SNAI3: variants seen among roughly 807,000 people sequenced by gnomAD.
SNAI3 encodes snail family transcriptional repressor 3.
A neutral mutation model predicts 16.4 loss-of-function variants in SNAI3; 21 were observed. That is an observed-to-expected ratio of 1.28 (90% CI 0.91 to 1.85). SNAI3 has a LOEUF of 1.85. Among genes scored for constraint, SNAI3 ranks in the 40% most tolerant of loss-of-function variants. SNAI3 has a pLI of 0.00. For synonymous variants in SNAI3, 202 were observed against 166.6 expected (o/e 1.21, Z -1.64); for missense variants, 457 against 372.8 (o/e 1.23, Z -1.86).
intron 2 of SNAI3, chr16:88,679,131 T>TA: frequency 1.0e-6 from 1 of 982,248 alleles, no homozygotes; most frequent in Non-Finnish European, 1.2e-6. Flanking sequence ...TGTAGCCCCA[T>TA]AGAGTCCTGA....
intron 1 of SNAI3, among the ~76,000 whole-genome samples, chr16:88,683,744 G>T (rs756388625): frequency 6.6e-6 from 1 of 151,998 alleles, no homozygotes; most frequent in South Asian, 2.1e-4. Flanking sequence ...TTTAGTAGAC[G>T]CGGGTTTTTG....
rs1400547742 is a variant in SNAI3, at chr16:88,678,183, C to G, written c.*265G>C. The G allele has an allele frequency of 7.4e-6, 3 of 403,196 alleles. No homozygotes were observed. The highest frequency in any genetic ancestry group is 1.3e-5 in the Non-Finnish European group (3 of 224,140). The allele number at this position is 403,196 out of a possible 1,614,324, so 25.0% of individuals were successfully genotyped here. A position where few individuals can be genotyped will look rare whatever the true frequency, so the allele number is the denominator to read the frequency against. On this transcript the variant is annotated 3_prime_UTR_variant, in exon 3 of 3. Transcript: ENST00000332281. Reference sequence around the variant, plus strand: ...AGACCTGGCCGTGTCGAAATGGAACCATGGCTCTTGTTCTGATGAAAGCCT... The same window carrying G: ...AGACCTGGCCGTGTCGAAATGGAACGATGGCTCTTGTTCTGATGAAAGCCT...
intron 1 of SNAI3, among the ~76,000 whole-genome samples, chr16:88,682,673 G>T (rs1158625993): frequency 6.6e-6 from 1 of 150,914 alleles, no homozygotes; most frequent in African/African-American, 2.4e-5. Context: ...TTCTGATCAG[G>T]AATAGCATCT....
intron 1 of SNAI3, 54 bp downstream of exon 1, chr16:88,686,277 C>G (rs1010672298): frequency 6.3e-7 from 1 of 1,589,584 alleles, no homozygotes; most frequent in Non-Finnish European, 8.6e-7. Context: ...CTCTCTCTCT[C>G]CCGCCCCTCA....
chr16:88,680,604 G>GT (rs971435722), intron 2 of SNAI3, among the ~76,000 whole-genome samples: 2 of 149,616 alleles, frequency 1.3e-5, no homozygotes, highest in Admixed American at 6.8e-5. Context: ...GTTTTGTTTT[G>GT]TTTTTTTGTT....
At chr16:88,680,574 C>G (rs1240249248) in intron 2 of SNAI3, among the ~76,000 whole-genome samples, 1 of 151,536 alleles carries the variant, frequency 6.6e-6, no homozygotes. Flanking sequence ...CGTGAGCCTC[C>G]ATGCCTGGTG....
Position 88,681,202 on chromosome 16 carries a change from C to T in SNAI3, c.589G>A (p.Ala197Thr). Residue 197 changes from alanine to threonine, a missense_variant, in exon 2 of 3, where the codon GCC (alanine) becomes ACC (threonine). Ala to Thr is a moderately conservative substitution (Grantham distance 58). Coordinates refer to ENST00000332281, the MANE Select transcript of SNAI3 (RefSeq NM_178310.4). The surrounding 1 kb of genome is among the most constrained non-coding windows in gnomAD (Gnocchi z 5.4). The stretch of plus-strand genomic sequence containing the variant: ...TGAGTGCGGATGTGCATCTTGAGGG[C>T]ACCCAGGCTGGTGTACTCCTTGTCG... Reference protein sequence around the residue: ...YCDKEYTSLGALKMHIRTHTL... With the variant: ...YCDKEYTSLGTLKMHIRTHTL... The T allele has an allele frequency of 5.0e-6, 8 of 1,613,814 alleles. No individual in the cohort carries two copies. Among genetic ancestry groups the T allele is most frequent in the Non-Finnish European group, 6.8e-6 (8 of 1,179,990 alleles).
At chr16:88,679,547 G>C (rs1354428958) in intron 2 of SNAI3, among the ~76,000 whole-genome samples, 1 of 147,066 alleles carries the variant, frequency 6.8e-6, no homozygotes, top group Non-Finnish European at 1.5e-5. Context: ...GGATCACGAG[G>C]TCAGGAGATC....
intron 2 of SNAI3, chr16:88,678,901 T>A (rs1909068043): frequency 1.0e-6 from 1 of 985,216 alleles, no homozygotes; most frequent in South Asian, 4.7e-5. Flanking sequence ...GGAGAAGCAC[T>A]GGGGGCCTCT....
intron 2 of SNAI3, among the ~76,000 whole-genome samples, chr16:88,680,067 T>A (rs1280940812): frequency 7.4e-6 from 1 of 134,512 alleles, no homozygotes; most frequent in Non-Finnish European, 1.5e-5. Flanking sequence ...AGCAATAGAG[T>A]GAGACCCTGC....
chr16:88,679,327 C>G (rs1375642618), intron 2 of SNAI3, among the ~76,000 whole-genome samples: 2 of 152,158 alleles, frequency 1.3e-5, no homozygotes, highest in Admixed American at 6.5e-5. Flanking sequence ...GTGTCGTCAT[C>G]AAAGAGTTGA....
At chr16:88,680,198 A>G (rs542637185) in intron 2 of SNAI3, among the ~76,000 whole-genome samples, 7 of 151,632 alleles carry the variant, frequency 4.6e-5, no homozygotes, top group African/African-American at 1.7e-4. Flanking sequence ...AGGTTGACAG[A>G]AAGCCCGGGC....
intron 1 of SNAI3, among the ~76,000 whole-genome samples, chr16:88,684,049 C>T (rs1484558041): frequency 2.6e-5 from 4 of 152,180 alleles, no homozygotes; most frequent in Non-Finnish European, 4.4e-5. Flanking sequence ...TTCAAAGGAA[C>T]GCCTCCCATC....
rs531157553 is a variant in SNAI3, at chr16:88,678,497, A to G, written c.830T>C (p.Met277Thr). Residue 277 changes from methionine (M) to threonine (T), a missense_variant, in exon 3 of 3, where the codon ATG (methionine) becomes ACG (threonine). By Grantham distance (81) the Met-to-Thr change is moderately conservative. Coordinates refer to ENST00000332281, the MANE Select transcript of SNAI3 (RefSeq NM_178310.4). ...CTCCTCATGCCGCGCCAGGAGGGAC[A>G]TGCGGGAGAAGGTCTTGGTGCAGCG... The part of the protein sequence containing the change: ...CRRCTKTFSR[M>T]SLLARHEESG... The G allele has an allele frequency of 1.0e-5, 8 of 782,282 alleles. No homozygotes were observed. Among genetic ancestry groups the G allele is most frequent in the African/African-American group, 1.7e-5 (1 of 59,372 alleles). 48.5% of individuals were successfully genotyped at this position (782,282 alleles called of 1,614,324 possible).
chr16:88,682,639 G>A (rs1013745471), intron 1 of SNAI3, among the ~76,000 whole-genome samples: 2 of 152,004 alleles, frequency 1.3e-5, no homozygotes, highest in Non-Finnish European at 2.9e-5. Context: ...CCATAGAATA[G>A]GAGAAAATAT....
Position 88,681,493 on chromosome 16 carries a change from C to T in SNAI3, c.298G>A (p.Ala100Thr), listed in dbSNP as rs753560248. The T allele has an allele frequency of 6.6e-5, 103 of 1,553,312 alleles. No individual in the cohort carries two copies. The highest frequency in any genetic ancestry group is 8.7e-5 in the Non-Finnish European group (99 of 1,144,028). Residue 100 changes from alanine (A) to threonine (T), a missense_variant, in exon 2 of 3, where the codon GCC becomes ACC. Transcript: ENST00000332281. The surrounding 1 kb of genome is among the most constrained non-coding windows in gnomAD (Gnocchi z 5.4). ...VSEVDPRASR[A>T]AIVPLKDSLN... ...CTGTCTTTGAGGGGTACAATGGCGGCCCGGCTGGCCCGAGGGTCGACCTCG... is the reference window on the plus strand; with the variant it reads ...CTGTCTTTGAGGGGTACAATGGCGGTCCGGCTGGCCCGAGGGTCGACCTCG...
intron 2 of SNAI3, among the ~76,000 whole-genome samples, chr16:88,679,775 A>AAAAAGAAAG (rs1555545691): frequency 9.4e-6 from 1 of 106,570 alleles, no homozygotes. Flanking sequence ...AAAAAAAAAA[A>AAAAAGAAAG]AAAAAAAGAA....
intron 2 of SNAI3, among the ~76,000 whole-genome samples, chr16:88,680,416 G>C (rs1020360446): frequency 6.8e-5 from 10 of 147,852 alleles, no homozygotes; most frequent in Non-Finnish European, 1.2e-4. Context: ...CTCCTGAATA[G>C]CTGGGATTAC....
intron 2 of SNAI3, among the ~76,000 whole-genome samples, chr16:88,680,274 G>GGT (rs1283235685): frequency 1.5e-5 from 1 of 66,506 alleles, no homozygotes; most frequent in Non-Finnish European, 3.1e-5. Flanking sequence ...TTATGTTTTT[G>GGT]ATTTTTTTTT....
Sources: gnomAD v4.1 joint callset for allele counts (sites outside exome capture counted in the v4.1 genomes callset) on GRCh38, gnomAD v4.1.1 for gene constraint, Gnocchi (gnomAD v3.1) non-coding constraint, MANE v1.5 for transcripts, NCBI Gene and HGNC (gene_info 2026-07-23, HGNC 2026-07-21) for gene names.